Variants in ZNF615 observed in about 807,000 individuals in gnomAD.
ZNF615 encodes zinc finger protein 615.
Under a neutral mutation model 15.3 loss-of-function variants are expected in ZNF615, and 15 were observed. The ratio of observed to expected loss-of-function variants is 0.98; its 90% CI spans 0.66 to 1.51. The LOEUF (loss-of-function observed/expected upper bound fraction) is 1.51. Among genes scored for constraint, ZNF615 ranks in the 40% most tolerant of loss-of-function variants. ZNF615 has a pLI of 0.00. For synonymous variants in ZNF615, 268 were observed against 294.6 expected (o/e 0.91, Z 0.92); for missense variants, 848 against 895.9 (o/e 0.95, Z 0.68).
At chr19:51,997,718 G>C (rs1036612123) in intron 6 of ZNF615, among the ~76,000 whole-genome samples, 6 of 152,210 alleles carry the variant, frequency 3.9e-5, no homozygotes, top group African/African-American at 1.4e-4. Flanking sequence ...ATATCAGATA[G>C]TTTATGCTAG....
In ZNF615 at chr19:51,995,270, A is replaced by C. The variant is rs183061699; in HGVS notation, c.272-433T>G. 2.6e-5 allele frequency among the ~76,000 whole-genome samples: 4 copies of C among 152,330 alleles called. 1 individual carries two copies. The highest frequency in any genetic ancestry group is 2.1e-4 in the South Asian group (1 of 4,824). ...AAAACACAATAATATAAACACACCG[A>C]AAAGTAAAAGCAACTGTACAAACAA... On this transcript the variant is annotated intron_variant, in intron 6 of 6. Coordinates refer to ENST00000598071, the MANE Select transcript of ZNF615 (RefSeq NM_001199324.2).
At chr19:52,008,010 G>C (rs2086804305) in intron 1 of ZNF615, 131 bp downstream of exon 1, 1 of 811,858 alleles carries the variant, frequency 1.2e-6, no homozygotes, top group African/African-American at 1.7e-5. Flanking sequence ...GCTCCTGAAA[G>C]AATTCCACTG....
intron 1 of ZNF615, among the ~76,000 whole-genome samples, chr19:52,007,588 T>G (rs1439231246): frequency 6.6e-6 from 1 of 152,122 alleles, no homozygotes; most frequent in African/African-American, 2.4e-5. Flanking sequence ...GGGCTGGGGC[T>G]AACCCATCAC....
In ZNF615 at chr19:51,994,365, A is replaced by G. The variant is rs762382752; in HGVS notation, c.744T>C (p.Cys248=). ...TGGATTTTCTGGAGAAAGCTTTCCC[A>G]CACATACTGCATACATGAGGTTTTT... ...TGEKPHVCSM[C]GKAFSRKSRL... Residue 248 remains cysteine (C), a synonymous_variant, in exon 7 of 7, where the codon TGT becomes TGC. Coordinates refer to ENST00000598071, the MANE Select transcript of ZNF615 (RefSeq NM_001199324.2). 6.2e-7 allele frequency: 1 copy of G among 1,614,150 alleles called. No homozygotes were observed. Among genetic ancestry groups the G allele is most frequent in the Non-Finnish European group, 8.5e-7 (1 of 1,180,016 alleles).
chr19:51,992,395 A>G lies in ZNF615; in HGVS notation c.*485T>C, dbSNP rs2288885. ...TCTTTCCTTCATTAAATTCTCTGAT[A>G]TTTTCCTAAAAGTCTTCTACATTGA... is the stretch of plus-strand genomic sequence containing the variant. On this transcript the variant is annotated 3_prime_UTR_variant, in exon 7 of 7. Transcript: ENST00000598071. The G allele has an allele frequency of 0.39, 59,930 of 152,706 alleles. 13,084 individuals are homozygous for G. The highest frequency in any genetic ancestry group is 0.58 in the African/African-American group (24,094 of 41,376). 9.5% of individuals were successfully genotyped at this position (152,706 alleles called of 1,614,324 possible).
At position 51,994,150 on chromosome 19, in the gene ZNF615, G is replaced by A. The variant is rs776436439; in HGVS notation, c.959C>T (p.Thr320Ile). Residue 320 changes from threonine to isoleucine, a missense_variant, in exon 7 of 7, where the codon ACT (threonine) becomes ATT (isoleucine). By Grantham distance (89) the Thr-to-Ile change is moderately conservative. Transcript: ENST00000598071. ...KKCRLIYHQR[T>I]HTGEKPHGCS... ...TCCATGGGGTTTCTCTCCTGTATGAGTTCGTTGATGATAAATGAGCCGACA... is the reference window on the plus strand; with the variant it reads ...TCCATGGGGTTTCTCTCCTGTATGAATTCGTTGATGATAAATGAGCCGACA... 1.2e-6 allele frequency: 2 copies of A among 1,613,994 alleles called. No individual in the cohort carries two copies. The highest frequency in any genetic ancestry group is 1.7e-6 in the Non-Finnish European group (2 of 1,180,034).
At chr19:52,002,449 G>A (rs534709404) in intron 3 of ZNF615, 168 bp from the exon 4 acceptor site, 15 of 944,508 alleles carry the variant, frequency 1.6e-5, no homozygotes, top group East Asian at 5.2e-5. Flanking sequence ...GTAACTGTGC[G>A]GTCATCCATT....
At position 51,992,045 on chromosome 19, in the gene ZNF615, A is replaced by G. The variant is rs2086248241; in HGVS notation, c.*835T>C. The G allele has an allele frequency of 6.6e-6, 1 of 152,210 alleles. No individual in the cohort carries two copies. Among genetic ancestry groups the G allele is most frequent in the Non-Finnish European group, 1.5e-5 (1 of 68,036 alleles). 9.4% of individuals were successfully genotyped at this position (152,210 alleles called of 1,614,324 possible). On this transcript the variant is annotated 3_prime_UTR_variant, in exon 7 of 7. Transcript: ENST00000598071. Reference sequence around the variant, plus strand: ...ACTTAAACATATTCAAGTATGGTCAATTACACTTATGAACTGAATATACTG... The same window carrying G: ...ACTTAAACATATTCAAGTATGGTCAGTTACACTTATGAACTGAATATACTG...
At position 51,997,061 on chromosome 19, in the gene ZNF615, T is replaced by C. The variant is rs1223855725; in HGVS notation, c.272-2224A>G. On this transcript the variant is annotated intron_variant, in intron 6 of 6. Coordinates refer to ENST00000598071, the MANE Select transcript of ZNF615 (RefSeq NM_001199324.2). ...GTCCTGGTGTGGTGGTTCATGTCTG[T>C]AATCCCAGCACTTTGGTAGGGTGAG... is the stretch of plus-strand genomic sequence containing the variant. 2.6e-5 allele frequency among the ~76,000 whole-genome samples: 4 copies of C among 152,146 alleles called. No homozygotes were observed. In the South Asian group the frequency reaches 6.2e-4, roughly 24 times the overall value.
rs1036687318 is a variant in ZNF615 at position 51,992,007 on chromosome 19, A to G, written c.*873T>C. ...ATTTATATTAATTTCATAACACCTGATGTTACTTATAAACTTAAACATATT... is the reference window on the plus strand; with the variant it reads ...ATTTATATTAATTTCATAACACCTGGTGTTACTTATAAACTTAAACATATT... On this transcript the variant is annotated 3_prime_UTR_variant, in exon 7 of 7. Coordinates refer to ENST00000598071, the MANE Select transcript of ZNF615 (RefSeq NM_001199324.2). The G allele has an allele frequency of 6.6e-6, 1 of 151,686 alleles. No individual in the cohort carries two copies. The highest frequency in any genetic ancestry group is 1.5e-5 in the Non-Finnish European group (1 of 67,866). The allele number at this position is 151,686 out of a possible 1,614,324, so 9.4% of individuals were successfully genotyped here. A position where few individuals can be genotyped will look rare whatever the true frequency, so the allele number is the denominator to read the frequency against.
At position 52,002,248 on chromosome 19, in the gene ZNF615, A is replaced by T. The variant is rs1283310710; in HGVS notation, c.49T>A (p.Phe17Ile). 1 of 1,614,228 alleles carries T rather than the reference A, an allele frequency of 6.2e-7. No homozygotes were observed. Among genetic ancestry groups the T allele is most frequent in the Admixed American group, 1.7e-5 (1 of 60,034 alleles). ...AGGAACTGCCACTCCTCCCAGGTGA[A>T]GTCCACAGCCACATCCTCCAGTGTT... is the stretch of plus-strand genomic sequence containing the variant. ...SLTLEDVAVD[F>I]TWEEWQFLSP... Residue 17 changes from phenylalanine (F) to isoleucine (I), a missense_variant, in exon 4 of 7, where the codon TTC (phenylalanine) becomes ATC (isoleucine). Phe to Ile is a conservative substitution (Grantham distance 21). Transcript: ENST00000598071.
In ZNF615 at chr19:52,003,918, C is replaced by CT. The variant is rs1414952716; in HGVS notation, c.-189-19dup. ...CCTGTGGGCTGAAGAGCAAATTACT[C>CT]TGAGTGGTACATTCTTTTTAGGCCC... is the stretch of plus-strand genomic sequence containing the variant. On this transcript the variant is annotated intron_variant, in intron 2 of 6. Coordinates refer to ENST00000598071, the MANE Select transcript of ZNF615 (RefSeq NM_001199324.2). 22 of 1,348,740 alleles carry CT rather than the reference C, an allele frequency of 1.6e-5. No individual in the cohort carries two copies. Among genetic ancestry groups the CT allele is most frequent in the Non-Finnish European group, 2.0e-5 (21 of 1,051,444 alleles). The allele number at this position is 1,348,740 out of a possible 1,614,324, so 83.5% of individuals were successfully genotyped here.
chr19:52,002,438 T>G (rs2086627455), intron 3 of ZNF615, 157 bp from the exon 4 acceptor site: 1 of 1,072,492 alleles, frequency 9.3e-7, no homozygotes, highest in Non-Finnish European at 1.4e-6. Context: ...TAAAATATTC[T>G]GTAACTGTGC....
At chr19:52,000,071 A>G (rs1259799184) in intron 6 of ZNF615, 2 of 332,692 alleles carry the variant, frequency 6.0e-6, no homozygotes, top group Non-Finnish European at 1.1e-5. Flanking sequence ...TGTCATTTGC[A>G]GCAACATGGA....
rs1327993217 is a variant in ZNF615, at chr19:51,993,365, T to A, written c.1744A>T (p.Ser582Cys). 6.2e-7 allele frequency: 1 copy of A among 1,614,162 alleles called. No individual in the cohort carries two copies. The highest frequency in any genetic ancestry group is 8.5e-7 in the Non-Finnish European group (1 of 1,180,026). ...THTGEKPYVCSECGKGLTGKS... is the reference protein window; with the variant it reads ...THTGEKPYVCCECGKGLTGKS... ...CCAGTTAAGCCTTTGCCACATTCAC[T>A]GCATACATAGGGTTTCTCTCCTGTA... The change falls in exon 7 of 7, where the codon AGT becomes TGT. Residue 582 changes from serine (S) to cysteine (C), a missense_variant. Coordinates refer to ENST00000598071, the MANE Select transcript of ZNF615 (RefSeq NM_001199324.2).
At chr19:51,997,601 C>CAT (rs1444583467) in intron 6 of ZNF615, among the ~76,000 whole-genome samples, 1 of 152,216 alleles carries the variant, frequency 6.6e-6, no homozygotes, top group Non-Finnish European at 1.5e-5. Context: ...CATCCCTACA[C>CAT]ATTCCAAAGA....
At chr19:52,006,199 T>C (rs894943769) in intron 2 of ZNF615, among the ~76,000 whole-genome samples, 2 of 152,216 alleles carry the variant, frequency 1.3e-5, no homozygotes, top group African/African-American at 4.8e-5. Context: ...ATAAAATTGC[T>C]GATGGTAGTT....
chr19:52,008,041 C>T, intron 1 of ZNF615, 100 bp downstream of exon 1: 5 of 1,161,220 alleles, frequency 4.3e-6, no homozygotes, highest in African/African-American at 1.5e-5. Flanking sequence ...ACGCTGGCGC[C>T]GACAGATACC....
chr19:51,993,095 A>G lies in ZNF615; in HGVS notation c.2014T>C (p.Ser672Pro). Reference protein sequence around the residue: ...SFACTECGKFSLRKNDLITHQ... With the variant: ...SFACTECGKFPLRKNDLITHQ... Reference sequence around the variant, plus strand: ...GTAATAAGATCATTTTTGCGCAAAGAGAATTTTCCACATTCAGTACATGCA... The same window carrying G: ...GTAATAAGATCATTTTTGCGCAAAGGGAATTTTCCACATTCAGTACATGCA... The change falls in exon 7 of 7, where the codon TCT becomes CCT. Residue 672 changes from serine to proline, a missense_variant. Ser to Pro is a moderately conservative substitution (Grantham distance 74, BLOSUM62 -1). Coordinates refer to ENST00000598071, the MANE Select transcript of ZNF615 (RefSeq NM_001199324.2). The G allele has an allele frequency of 6.2e-7, 1 of 1,614,244 alleles. No homozygotes were observed.
Sources: gnomAD v4.1 joint callset for allele counts (sites outside exome capture counted in the v4.1 genomes callset) on GRCh38, gnomAD v4.1.1 for gene constraint, MANE v1.5 for transcripts, NCBI Gene and HGNC (gene_info 2026-07-23, HGNC 2026-07-21) for gene names.